Variants in PXDNL observed in about 807,000 individuals in gnomAD.
PXDNL encodes probable oxidoreductase PXDNL.
A neutral mutation model predicts 150.8 loss-of-function variants in PXDNL; 145 were observed. That is an observed-to-expected ratio of 0.96 (90% CI 0.84 to 1.10). PXDNL has a LOEUF of 1.10. Ranked by LOEUF, PXDNL falls within the 50% of genes least tolerant of loss-of-function variation. The pLI is 0.00. For synonymous variants in PXDNL, 757 were observed against 725.7 expected (o/e 1.04, Z -0.69); for missense variants, 2,087 against 1,873.9 (o/e 1.11, Z -2.10).
chr8:51,699,584 T>C (rs1341860469), intron 1 of PXDNL, among the ~76,000 whole-genome samples: 1 of 152,250 alleles, frequency 6.6e-6, no homozygotes, highest in East Asian at 1.9e-4. Flanking sequence ...CAAGAACTTT[T>C]CCTTTGCATT....
intron 1 of PXDNL, among the ~76,000 whole-genome samples, chr8:51,784,007 A>C (rs75812819): frequency 2.8e-3 from 79 of 28,124 alleles, no homozygotes; most frequent in Admixed American, 0.018. Flanking sequence ...TCTTTCCCCC[A>C]AAAAAAAATC....
intron 4 of PXDNL, among the ~76,000 whole-genome samples, chr8:51,532,041 G>A (rs902110564): frequency 6.6e-6 from 1 of 151,848 alleles, no homozygotes; most frequent in Non-Finnish European, 1.5e-5. Flanking sequence ...GGCTTCTTGT[G>A]TAGATCAAGA....
intron 4 of PXDNL, among the ~76,000 whole-genome samples, chr8:51,525,425 C>T (rs962441397): frequency 6.6e-6 from 1 of 152,200 alleles, no homozygotes; most frequent in African/African-American, 2.4e-5. Context: ...TAACATTTGT[C>T]ACTGCCCCTC....
rs564289486 is a variant in PXDNL at position 51,570,121 on chromosome 8, G to A, written c.309-13210C>T. On this transcript the variant is annotated intron_variant, in intron 3 of 22. Coordinates refer to ENST00000356297, the MANE Select transcript of PXDNL (RefSeq NM_144651.5). ...TGAGACACAAGTAGACATTTGCTGG[G>A]ATTCTCATATATTAAAAAAGTTTAA... is the stretch of plus-strand genomic sequence containing the variant. Among the ~76,000 whole-genome samples the A allele has an allele frequency of 2.7e-3, 409 of 151,452 alleles. 3 individuals are homozygous for A. Among genetic ancestry groups the A allele is most frequent in the Middle Eastern group, 6.8e-3 (2 of 294 alleles).
At chr8:51,633,071 C>G (rs1394577804) in intron 2 of PXDNL, among the ~76,000 whole-genome samples, 1 of 152,012 alleles carries the variant, frequency 6.6e-6, no homozygotes, top group African/African-American at 2.4e-5. Flanking sequence ...TCTAATACCC[C>G]CCGTGTCAAT....
At chr8:51,588,689 A>G (rs1046255397) in intron 3 of PXDNL, among the ~76,000 whole-genome samples, 10 of 152,164 alleles carry the variant, frequency 6.6e-5, no homozygotes, top group African/African-American at 2.4e-4. Context: ...AAAGCCATAA[A>G]GGTTCTTGTT....
At chr8:51,501,339 GAC>G (rs890118978) in intron 4 of PXDNL, among the ~76,000 whole-genome samples, 5 of 131,176 alleles carry the variant, frequency 3.8e-5, no homozygotes, top group Non-Finnish European at 8.0e-5. Flanking sequence ...CTTTCATACT[GAC>G]ACACACTCTC....
intron 1 of PXDNL, among the ~76,000 whole-genome samples, chr8:51,660,212 T>C: frequency 6.6e-6 from 1 of 152,026 alleles, no homozygotes. Flanking sequence ...TATTAAATAG[T>C]GTGCGCAGTA....
intron 1 of PXDNL, among the ~76,000 whole-genome samples, chr8:51,807,828 A>G (rs1258777696): frequency 6.6e-6 from 1 of 152,204 alleles, no homozygotes; most frequent in Non-Finnish European, 1.5e-5. Flanking sequence ...AAGATACTTC[A>G]TTAGACAAGC....
At chr8:51,515,023 C>T (rs1252470662) in intron 4 of PXDNL, among the ~76,000 whole-genome samples, 1 of 152,100 alleles carries the variant, frequency 6.6e-6, no homozygotes, top group Non-Finnish European at 1.5e-5. Flanking sequence ...AGAATTAGAC[C>T]TAAAGTTACA....
At chr8:51,342,017 A>G (rs972791322) in intron 20 of PXDNL, among the ~76,000 whole-genome samples, 2 of 152,206 alleles carry the variant, frequency 1.3e-5, no homozygotes, top group Admixed American at 1.3e-4. Context: ...TGTTACCTGC[A>G]AAATTATTCA....
chr8:51,752,248 G>A (rs143631640), intron 1 of PXDNL, among the ~76,000 whole-genome samples: 16 of 152,118 alleles, frequency 1.1e-4, no homozygotes, highest in Admixed American at 2.0e-4. Flanking sequence ...GTTAAATCAC[G>A]GAGGTTTGGG....
intron 21 of PXDNL, among the ~76,000 whole-genome samples, chr8:51,322,631 C>T (rs551071287): frequency 1.6e-4 from 25 of 152,118 alleles, no homozygotes; most frequent in Middle Eastern, 3.4e-3. Flanking sequence ...GGGAGTGAGA[C>T]AAAAAGAGCC....
intron 2 of PXDNL, among the ~76,000 whole-genome samples, chr8:51,649,575 A>C (rs1296024582): frequency 6.6e-6 from 1 of 152,168 alleles, no homozygotes; most frequent in Non-Finnish European, 1.5e-5. Context: ...ACAACACTTC[A>C]CACATAACAT....
chr8:51,335,072 A>G (rs1324559408), intron 21 of PXDNL, among the ~76,000 whole-genome samples: 1 of 152,176 alleles, frequency 6.6e-6, no homozygotes, highest in East Asian at 1.9e-4. Context: ...TTACTTGTTT[A>G]ATGAAGTGAG....
intron 1 of PXDNL, among the ~76,000 whole-genome samples, chr8:51,796,376 G>T (rs2037560711): frequency 7.0e-6 from 1 of 143,214 alleles, no homozygotes; most frequent in South Asian, 2.2e-4. Flanking sequence ...AAAAATCAAT[G>T]AATACACGAG....
chr8:51,684,831 A>C (rs998106552), intron 1 of PXDNL, among the ~76,000 whole-genome samples: 1 of 152,184 alleles, frequency 6.6e-6, no homozygotes, highest in Admixed American at 6.5e-5. Flanking sequence ...CCCAGATGAC[A>C]GCCAGGAAAC....
intron 2 of PXDNL, among the ~76,000 whole-genome samples, chr8:51,623,918 A>C (rs1674617784): frequency 6.6e-6 from 1 of 151,626 alleles, no homozygotes; most frequent in Non-Finnish European, 1.5e-5. Context: ...ACAGAGGGAG[A>C]CCCCATCTCT....
intron 1 of PXDNL, among the ~76,000 whole-genome samples, chr8:51,806,868 C>T (rs1157796815): frequency 6.6e-6 from 1 of 152,168 alleles, no homozygotes; most frequent in East Asian, 1.9e-4. Context: ...AAGCTTCAGG[C>T]TAGTTGCTAT....
Sources: allele counts gnomAD v4.1 joint callset (sites outside exome capture counted in the v4.1 genomes callset), GRCh38; gene constraint gnomAD v4.1.1; transcripts MANE v1.5; gene names NCBI Gene and HGNC (gene_info 2026-07-23, HGNC 2026-07-21).